Variants in BRD8 observed in about 807,000 individuals in gnomAD.
The protein encoded by BRD8 is bromodomain-containing protein 8.
BRD8 carries 67 observed loss-of-function variants against 143.1 expected under a neutral mutation model. The observed-to-expected ratio is 0.47, with a 90% CI of 0.38 to 0.57. The LOEUF is 0.57. Among genes scored for constraint, BRD8 ranks in the 20% least tolerant of loss-of-function variants. The pLI is 0.00. For missense variants in BRD8, 1,103 were observed against 1,503.0 expected (o/e 0.73, Z 4.40); for synonymous variants, 505 against 517.1 (o/e 0.98, Z 0.32).
In BRD8 at chr5:138,177,086, C is replaced by CA. The variant is rs36005969; in HGVS notation, c.116+484dup. The CA allele has an allele frequency of 5.0e-3, 605 of 121,694 alleles. 3 individuals carry two copies. Among genetic ancestry groups the CA allele is most frequent in the South Asian group, 0.018 (65 of 3,706 alleles). The allele number at this position is 121,694 out of a possible 1,614,324, so 7.5% of individuals were successfully genotyped here. A position where few individuals can be genotyped will look rare whatever the true frequency, so the allele number is the denominator to read the frequency against. Reference sequence around the variant, plus strand: ...TGGGCCACAGAGTGCAATCTTGTCTCAAAAAAAAAAAAAAAAAAATAGGCC... The same window carrying CA: ...TGGGCCACAGAGTGCAATCTTGTCTCAAAAAAAAAAAAAAAAAAAATAGGCC... On this transcript the variant is annotated intron_variant, in intron 2 of 26. Transcript: ENST00000254900.
rs766925595 is a variant in BRD8, at chr5:138,161,905, G to C, written c.2181-41C>G. On this transcript the variant is annotated intron_variant, in intron 16 of 26. Coordinates refer to ENST00000254900, the MANE Select transcript of BRD8 (RefSeq NM_139199.2). Reference sequence around the variant, plus strand: ...AAGGTGCAATTACTGACATTCTCCAGAAGTGCAGGGAGGGAACTTACTCTA... The same window carrying C: ...AAGGTGCAATTACTGACATTCTCCACAAGTGCAGGGAGGGAACTTACTCTA... 2.5e-6 allele frequency: 4 copies of C among 1,606,638 alleles called. No individual in the cohort carries two copies. In the South Asian group the frequency reaches 3.3e-5, roughly 13 times the overall value.
Position 138,163,118 on chromosome 5 carries a change from TC to T in BRD8, c.2087+11del. 6.2e-7 allele frequency: 1 copy of T among 1,612,546 alleles called. No individual in the cohort carries two copies. Among genetic ancestry groups the T allele is most frequent in the South Asian group, 1.1e-5 (1 of 91,032 alleles). On this transcript the variant is annotated intron_variant, in intron 15 of 26. Coordinates refer to ENST00000254900, the MANE Select transcript of BRD8 (RefSeq NM_139199.2). ...CTGCCTTGGCCTCAAAGAAAGAATC[TC>T]AGATACTCACAACTGTGAAGAAGCA...
At chr5:138,147,317 T>TA (rs1283338248) in intron 23 of BRD8, among the ~76,000 whole-genome samples, 2 of 149,270 alleles carry the variant, frequency 1.3e-5, no homozygotes, top group African/African-American at 4.9e-5. Flanking sequence ...TATATATATA[T>TA]TCATATATAA....
Position 138,164,379 on chromosome 5 carries a change from C to A in BRD8, c.1766G>T (p.Gly589Val), listed in dbSNP as rs1004583031. ...TAAAGGATCTTCAATGGGATTTGAG[C>A]CATGTGATGGAGACAACATGCTTTC... ...SPESMLSPSHGSNPIEDPLEA... is the reference protein window; with the variant it reads ...SPESMLSPSHVSNPIEDPLEA... The change falls in exon 13 of 27, where the codon GGC (glycine) becomes GTC (valine). Residue 589 changes from glycine (G) to valine (V), a missense_variant. Gly to Val is a moderately radical substitution (Grantham distance 109, BLOSUM62 -3). Transcript: ENST00000254900. 3 of 1,613,938 alleles carry A rather than the reference C, an allele frequency of 1.9e-6. No individual in the cohort carries two copies. The African/African-American group carries it at 4.0e-5, about 22-fold the overall frequency.
intron 8 of BRD8, chr5:138,168,779 TTA>T (rs2151209785): frequency 1.4e-6 from 1 of 711,968 alleles, no homozygotes; most frequent in Non-Finnish European, 2.4e-6. Context: ...AACTATTATT[TTA>T]TTAGTCCTGA....
chr5:138,153,705 T>G (rs551534971), intron 20 of BRD8, among the ~76,000 whole-genome samples: 28 of 146,382 alleles, frequency 1.9e-4, no homozygotes, highest in African/African-American at 5.0e-4. Flanking sequence ...GAACGAACTT[T>G]CACTCTTGTT....
intron 8 of BRD8, 88 bp from the exon 9 acceptor site, chr5:138,168,166 C>T (rs1753594992): frequency 1.1e-6 from 1 of 923,592 alleles, no homozygotes; most frequent in African/African-American, 1.7e-5. Context: ...GATCAAACTT[C>T]ATGAAAACTA....
intron 15 of BRD8, among the ~76,000 whole-genome samples, chr5:138,162,529 C>G (rs1439923225): frequency 6.6e-6 from 1 of 151,696 alleles, no homozygotes; most frequent in Non-Finnish European, 1.5e-5. Context: ...TATTCCAGGT[C>G]AAAAAAGGGA....
Position 138,177,594 on chromosome 5 carries a change from G to A in BRD8, c.93C>T (p.Val31=), listed in dbSNP as rs1754456367. 1 of 1,610,780 alleles carries A rather than the reference G, an allele frequency of 6.2e-7. No individual in the cohort carries two copies. Among genetic ancestry groups the A allele is most frequent in the Non-Finnish European group, 8.5e-7 (1 of 1,178,872 alleles). The change falls in exon 2 of 27, where the codon GTC becomes GTT. Residue 31 remains valine, a synonymous_variant. Coordinates refer to ENST00000254900, the MANE Select transcript of BRD8 (RefSeq NM_139199.2). ...IREKLCLASS[V]MRSGDQNWVS... The stretch of plus-strand genomic sequence containing the variant: ...ACCAATTTTGATCGCCACTTCTCAT[G>A]ACAGAAGATGCTAAACATAGCTTCT...
intron 20 of BRD8, among the ~76,000 whole-genome samples, chr5:138,158,365 A>C (rs1157158730): frequency 6.6e-6 from 1 of 152,190 alleles, no homozygotes; most frequent in African/African-American, 2.4e-5. Flanking sequence ...GAAAGTAATA[A>C]AAGTCTTTAG....
rs560340709 is a variant in BRD8 at position 138,143,010 on chromosome 5, C to A, written c.3438-2128G>T. 1.2e-4 allele frequency among the ~76,000 whole-genome samples: 18 copies of A among 152,058 alleles called. No individual in the cohort carries two copies. The South Asian group carries it at 3.7e-3, about 32-fold the overall frequency. ...ATTATAATAAAAATATCAGGCCAGG[C>A]ACAGTGGCTCACACCTGTAATCCCA... On this transcript the variant is annotated intron_variant, in intron 25 of 26. Transcript: ENST00000254900.
chr5:138,172,015 A>G lies in BRD8; in HGVS notation c.186+50T>C, dbSNP rs748105286. ...AAAGTCAGGGCCTGGTAGAGAACCT[A>G]CTTTACAACCCAAAGACTGCTCTAA... On this transcript the variant is annotated intron_variant, in intron 3 of 26. Transcript: ENST00000254900. The G allele has an allele frequency of 6.3e-6, 9 of 1,425,206 alleles. No individual in the cohort carries two copies. In the Middle Eastern group the frequency reaches 1.2e-3, roughly 195 times the overall value. The allele number at this position is 1,425,206 out of a possible 1,614,324, so 88.3% of individuals were successfully genotyped here. A position where few individuals can be genotyped will look rare whatever the true frequency, so the allele number is the denominator to read the frequency against.
At chr5:138,158,577 T>C (rs1752764290) in intron 20 of BRD8, among the ~76,000 whole-genome samples, 1 of 151,928 alleles carries the variant, frequency 6.6e-6, no homozygotes, top group African/African-American at 2.4e-5. Flanking sequence ...TAGCTGGGAT[T>C]ACAGGCGTAT....
chr5:138,141,972 CATT>C (rs1326261002), intron 25 of BRD8, among the ~76,000 whole-genome samples: 1 of 152,162 alleles, frequency 6.6e-6, no homozygotes, highest in Non-Finnish European at 1.5e-5. Flanking sequence ...ATGATGGTAT[CATT>C]GTCTCTGCTG....
chr5:138,151,726 C>T (rs1258267121), intron 21 of BRD8, among the ~76,000 whole-genome samples: 2 of 152,186 alleles, frequency 1.3e-5, no homozygotes, highest in South Asian at 2.1e-4. Context: ...TCCAATGGCA[C>T]GATCTCAGCT....
rs755178421 is a variant in BRD8 at position 138,172,144 on chromosome 5, G to T, written c.117-10C>A. On this transcript the variant is annotated splice_polypyrimidine_tract_variant and intron_variant, in intron 2 of 26. Coordinates refer to ENST00000254900, the MANE Select transcript of BRD8 (RefSeq NM_139199.2). Reference sequence around the variant, plus strand: ...TCTGCTAACTGATACCCTACAAAATGAGGAAAGCTTTATTACACACCAAGC... The same window carrying T: ...TCTGCTAACTGATACCCTACAAAATTAGGAAAGCTTTATTACACACCAAGC... 1 of 1,610,758 alleles carries T rather than the reference G, an allele frequency of 6.2e-7. No homozygotes were observed. Among genetic ancestry groups the T allele is most frequent in the South Asian group, 1.1e-5 (1 of 90,954 alleles).
intron 8 of BRD8, 32 bp from the exon 9 acceptor site, chr5:138,168,110 C>T: frequency 6.4e-7 from 1 of 1,565,038 alleles, no homozygotes; most frequent in Non-Finnish European, 8.7e-7. Flanking sequence ...GAAGGCTACA[C>T]TCAAGCTTTC....
At chr5:138,175,288 C>T (rs1197038786) in intron 2 of BRD8, among the ~76,000 whole-genome samples, 1 of 151,572 alleles carries the variant, frequency 6.6e-6, no homozygotes, top group East Asian at 1.9e-4. Context: ...ATTTAAAAAA[C>T]AAACAAAAAA....
At chr5:138,170,308 A>T in intron 7 of BRD8, 37 bp downstream of exon 7, 1 of 1,350,380 alleles carries the variant, frequency 7.4e-7, no homozygotes, top group Non-Finnish European at 1.1e-6. Flanking sequence ...AGTACTGTGC[A>T]ATCAATTGCT....
Sources: allele counts gnomAD v4.1 joint callset (sites outside exome capture counted in the v4.1 genomes callset), GRCh38; gene constraint gnomAD v4.1.1; transcripts MANE v1.5; gene names NCBI Gene and HGNC (gene_info 2026-07-23, HGNC 2026-07-21).